Variants in SMG1 observed in about 807,000 individuals in gnomAD.
The protein encoded by SMG1 is SMG1 nonsense mediated mRNA decay associated PI3K related kinase.
SMG1 carries 22 observed loss-of-function variants against 419.9 expected under a neutral mutation model. The ratio of observed to expected loss-of-function variants is 0.05; its 90% confidence interval spans 0.04 to 0.07. SMG1 has a LOEUF of 0.07. Among genes scored for constraint, SMG1 ranks in the 10% least tolerant of loss-of-function variants. The pLI, the probability that SMG1 is intolerant of heterozygous loss-of-function variation, is 1.00. For synonymous variants in SMG1, 1,538 were observed against 1,553.5 expected, an observed-to-expected ratio of 0.99 and a Z score of 0.23; for missense variants, 3,185 against 4,342.0, an observed-to-expected ratio of 0.73 and a Z score of 7.49.
chr16:18,827,161 T>C (rs2141178621), intron 55 of SMG1, among the ~76,000 whole-genome samples: 1 of 152,188 alleles, frequency 6.6e-6, no homozygotes, highest in African/African-American at 2.4e-5. Context: ...GTGCGGTGGC[T>C]CAAGCCTGCA....
chr16:18,853,993 T>TCAAGCATAGGAGGCTCCTAC lies in SMG1; in HGVS notation c.4484-127_4484-126insGTAGGAGCCTCCTATGCTTG, dbSNP rs1390222238. The TCAAGCATAGGAGGCTCCTAC allele has an allele frequency of 1.1e-5, 8 of 719,498 alleles. No homozygotes were observed. The African/African-American group carries it at 1.6e-4, about 15-fold the overall frequency. 44.6% of individuals were successfully genotyped at this position (719,498 alleles called of 1,614,324 possible). A position where few individuals can be genotyped will look rare whatever the true frequency, so the allele number is the denominator to read the frequency against. On this transcript the variant is annotated intron_variant, in intron 30 of 62. Coordinates refer to ENST00000446231, the MANE Select transcript of SMG1 (RefSeq NM_015092.5). Reference sequence around the variant, plus strand: ...CCATGTTGATGGTTTCAAACTCCTATGCTCAAGCATAGGAGGCTCCTACTG... The same window carrying TCAAGCATAGGAGGCTCCTAC: ...CCATGTTGATGGTTTCAAACTCCTATCAAGCATAGGAGGCTCCTACGCTCAAGCATAGGAGGCTCCTACTG...
intron 46 of SMG1, 132 bp downstream of exon 46, chr16:18,837,121 T>A: frequency 1.2e-6 from 1 of 803,002 alleles, no homozygotes; most frequent in Non-Finnish European, 1.9e-6. Context: ...CACTTTGAAG[T>A]TGCAGTCACT....
chr16:18,813,761 G>A (rs535503820), intron 60 of SMG1, among the ~76,000 whole-genome samples: 39 of 152,212 alleles, frequency 2.6e-4, no homozygotes, highest in African/African-American at 8.9e-4. Flanking sequence ...GAATGGTATT[G>A]CCTAGGTTTT....
Position 18,860,237 on chromosome 16 carries a change from A to C in SMG1, c.3805+430T>G, listed in dbSNP as rs1199242358. On this transcript the variant is annotated intron_variant, in intron 26 of 62. Coordinates refer to ENST00000446231, the MANE Select transcript of SMG1 (RefSeq NM_015092.5). ...TGTCTCAACAAAAAAGAAAATCGGT[A>C]AGTCAATCTACTATTTAAGGGGACA... 4.6e-5 allele frequency among the ~76,000 whole-genome samples: 7 copies of C among 152,184 alleles called. No homozygotes were observed. The East Asian group carries it at 1.3e-3, about 29-fold the overall frequency.
At chr16:18,922,198 CTTGA>C (rs1378806566) in intron 1 of SMG1, among the ~76,000 whole-genome samples, 11 of 152,272 alleles carry the variant, frequency 7.2e-5, no homozygotes, top group African/African-American at 2.2e-4. Context: ...TGATCTCTGT[CTTGA>C]TTGATACTAG....
intron 55 of SMG1, among the ~76,000 whole-genome samples, chr16:18,827,516 T>C (rs1022338496): frequency 2.0e-5 from 3 of 146,390 alleles, no homozygotes; most frequent in African/African-American, 5.0e-5. Flanking sequence ...TATTTTTATA[T>C]ATCTTTGGTA....
In SMG1 at chr16:18,815,660, GATAA is replaced by G. The variant is rs778218010; in HGVS notation, c.10303-13_10303-10del. The G allele has an allele frequency of 6.8e-6, 11 of 1,606,662 alleles. No individual in the cohort carries two copies. The highest frequency in any genetic ancestry group is 1.3e-5 in the African/African-American group (1 of 74,654). On this transcript the variant is annotated splice_polypyrimidine_tract_variant and intron_variant, in intron 58 of 62. Coordinates refer to ENST00000446231, the MANE Select transcript of SMG1 (RefSeq NM_015092.5). ...AGAGCAGCTTCTTCATCCTAGAATTGATAAATTAATGATTAAGAAAAATAGTTTT... is the reference window on the plus strand; with the variant it reads ...AGAGCAGCTTCTTCATCCTAGAATTGATTAATGATTAAGAAAAATAGTTTT...
intron 29 of SMG1, chr16:18,857,378 A>G (rs2034970785): frequency 6.6e-6 from 1 of 152,256 alleles, no homozygotes; most frequent in Admixed American, 6.5e-5. Flanking sequence ...TTAAAACTCA[A>G]TATTCATAGC....
chr16:18,858,426 A>G, intron 28 of SMG1, 136 bp from the exon 29 acceptor site: 1 of 571,288 alleles, frequency 1.8e-6, no homozygotes, highest in Non-Finnish European at 2.9e-6. Context: ...TATCTATTAC[A>G]CTATACCCTT....
intron 56 of SMG1, among the ~76,000 whole-genome samples, chr16:18,818,818 CTTTT>C (rs35000007): frequency 7.6e-6 from 1 of 131,642 alleles, no homozygotes. Flanking sequence ...GCACAAGGTC[CTTTT>C]TTTTTTTTTT....
chr16:18,808,095 T>C lies in SMG1; in HGVS notation c.*1474A>G, dbSNP rs2031020019. The C allele has an allele frequency of 1.3e-5, 2 of 152,232 alleles. No individual in the cohort carries two copies. The highest frequency in any genetic ancestry group is 2.9e-5 in the Non-Finnish European group (2 of 68,046). The allele number at this position is 152,232 out of a possible 1,614,324, so 9.4% of individuals were successfully genotyped here. On this transcript the variant is annotated 3_prime_UTR_variant, in exon 63 of 63. Transcript: ENST00000446231. ...GATTTTAATTGTGTTCTATTTTGTA[T>C]TGATACTTGATTTTAAGAACCCTAT...
chr16:18,835,687 C>T (rs188581737), intron 48 of SMG1, among the ~76,000 whole-genome samples: 75 of 152,106 alleles, frequency 4.9e-4, no homozygotes, highest in African/African-American at 1.7e-3. Flanking sequence ...AGGCAGATCA[C>T]GTGGTCAGGA....
Position 18,866,772 on chromosome 16 carries a change from T to C in SMG1, c.3199A>G (p.Asn1067Asp), listed in dbSNP as rs745516218. The change falls in exon 23 of 63, where the codon AAT (asparagine) becomes GAT (aspartate). Residue 1067 changes from asparagine (N) to aspartate (D), a missense_variant. By Grantham distance (23) the Asn-to-Asp change is conservative. Transcript: ENST00000446231. ...EMKTTSLSQGNELEVTIMMVV... is the reference protein window; with the variant it reads ...EMKTTSLSQGDELEVTIMMVV... ...ATCATAATGGTTACTTCCAATTCAT[T>C]CCCCTGAAAACGCATTCAGAAAAAT... The C allele has an allele frequency of 1.3e-6, 2 of 1,597,056 alleles. No individual in the cohort carries two copies. Among genetic ancestry groups the C allele is most frequent in the Non-Finnish European group, 1.7e-6 (2 of 1,179,396 alleles).
chr16:18,897,831 T>C (rs887821821), intron 1 of SMG1, among the ~76,000 whole-genome samples: 1 of 152,002 alleles, frequency 6.6e-6, no homozygotes, highest in African/African-American at 2.4e-5. Flanking sequence ...AAATAATCTA[T>C]TATAGCATAC....
At chr16:18,885,310 A>C in intron 7 of SMG1, 148 bp from the exon 8 acceptor site, 6 of 643,052 alleles carry the variant, frequency 9.3e-6, no homozygotes, top group Non-Finnish European at 1.6e-5. Flanking sequence ...GGAGAGGGGC[A>C]GGAAAATAAA....
chr16:18,867,565 A>T (rs558074713), intron 22 of SMG1, among the ~76,000 whole-genome samples: 2 of 145,284 alleles, frequency 1.4e-5, no homozygotes, highest in South Asian at 2.2e-4. Flanking sequence ...AAATAAATAA[A>T]TAATTTATCC....
chr16:18,924,281 T>C (rs2038306646), intron 1 of SMG1, among the ~76,000 whole-genome samples: 3 of 152,232 alleles, frequency 2.0e-5, no homozygotes, highest in South Asian at 2.1e-4. Context: ...TTTGGCTTCA[T>C]ACCTGTCAGC....
intron 62 of SMG1, among the ~76,000 whole-genome samples, chr16:18,810,852 C>G (rs1339711512): frequency 6.6e-6 from 1 of 152,112 alleles, no homozygotes; most frequent in African/African-American, 2.4e-5. Flanking sequence ...GCTAAGATGT[C>G]TGCAAAGAAC....
At chr16:18,919,436 A>G (rs1419584916) in intron 1 of SMG1, among the ~76,000 whole-genome samples, 1 of 151,284 alleles carries the variant, frequency 6.6e-6, no homozygotes, top group Non-Finnish European at 1.5e-5. Context: ...CATCCTGGCT[A>G]ACACGGTGAA....
Sources: gnomAD v4.1 joint callset for allele counts (sites outside exome capture counted in the v4.1 genomes callset) on GRCh38, gnomAD v4.1.1 for gene constraint, MANE v1.5 for transcripts, NCBI Gene and HGNC (gene_info 2026-07-23, HGNC 2026-07-21) for gene names.